CSMD1: variants seen among roughly 807,000 people sequenced by gnomAD.
CSMD1 encodes CUB and sushi domain-containing protein 1.
In CSMD1, 213 loss-of-function variants were observed where a neutral mutation model predicts 417.5. The observed-to-expected ratio is 0.51, with a 90% CI of 0.46 to 0.57. CSMD1 has a LOEUF of 0.57. Ranked by LOEUF, CSMD1 falls within the 20% of genes least tolerant of loss-of-function variation. CSMD1 has a pLI of 0.00. For synonymous variants in CSMD1, 2,862 were observed against 1,736.8 expected, an observed-to-expected ratio of 1.65 and a Z score of -16.11; for missense variants, 6,923 against 4,529.7, an observed-to-expected ratio of 1.53 and a Z score of -15.17.
At chr8:4,576,694 C>G (rs200684932) in intron 2 of CSMD1, among the ~76,000 whole-genome samples, 1 of 152,130 alleles carries the variant, frequency 6.6e-6, no homozygotes, top group African/African-American at 2.4e-5. Context: ...TCATAAGTAG[C>G]TAGAAGTCTG....
intron 5 of CSMD1, among the ~76,000 whole-genome samples, chr8:3,948,437 G>C (rs547389810): frequency 4.3e-4 from 65 of 152,214 alleles, no homozygotes; most frequent in African/African-American, 6.5e-4. Flanking sequence ...GTTAGGTTTT[G>C]TGACACACTT....
intron 3 of CSMD1, among the ~76,000 whole-genome samples, chr8:4,147,550 T>C (rs1647366): frequency 0.09 from 13,655 of 152,232 alleles, 857 homozygotes; most frequent in Non-Finnish European, 0.13. Flanking sequence ...TAATTAGTCA[T>C]GTATAAACCT....
chr8:4,951,825 C>G (rs1808768368), intron 1 of CSMD1, among the ~76,000 whole-genome samples: 1 of 143,626 alleles, frequency 7.0e-6, no homozygotes, highest in Admixed American at 7.3e-5. Context: ...GCACAAGCTG[C>G]TTATAAAGAT....
At chr8:3,597,267 G>C (rs900215) in intron 8 of CSMD1, among the ~76,000 whole-genome samples, 2 of 151,996 alleles carry the variant, frequency 1.3e-5, no homozygotes, top group Non-Finnish European at 2.9e-5. Flanking sequence ...GCACCGGTGA[G>C]ACAGAGCATC....
At chr8:3,849,262 C>T (rs1803715627) in intron 5 of CSMD1, among the ~76,000 whole-genome samples, 1 of 152,018 alleles carries the variant, frequency 6.6e-6, no homozygotes, top group African/African-American at 2.4e-5. Context: ...CACAGGAACA[C>T]GGGTGCATGT....
rs556304192 is a variant in CSMD1 at position 3,155,359 on chromosome 8, A to ATTTTTTTTTTTTTTTTTTTTTTT, written c.5914+2515_5914+2537dup. 5.9e-3 allele frequency among the ~76,000 whole-genome samples: 256 copies of ATTTTTTTTTTTTTTTTTTTTTTT among 43,328 alleles called. 96 individuals are homozygous for ATTTTTTTTTTTTTTTTTTTTTTT. Among genetic ancestry groups the ATTTTTTTTTTTTTTTTTTTTTTT allele is most frequent in the Non-Finnish European group, 8.8e-3 (189 of 21,384 alleles). 28.4% of individuals were successfully genotyped at this position (43,328 alleles called of 152,430 possible). ...TTTTTCCTTCCAAATCAAGGCTGGG[A>ATTTTTTTTTTTTTTTTTTTTTTT]TTTTTTTTTTTTTTTTTTTTTTTTT... is the stretch of plus-strand genomic sequence containing the variant. On this transcript the variant is annotated intron_variant, in intron 39 of 69. Transcript: ENST00000635120.
chr8:2,984,174 G>C (rs555102370), intron 54 of CSMD1, among the ~76,000 whole-genome samples: 1 of 151,958 alleles, frequency 6.6e-6, no homozygotes, highest in Non-Finnish European at 1.5e-5. Context: ...CGTTTATGTC[G>C]CTGCCTCAAA....
At chr8:3,491,676 T>G (rs977226126) in intron 11 of CSMD1, among the ~76,000 whole-genome samples, 1 of 152,192 alleles carries the variant, frequency 6.6e-6, no homozygotes, top group African/African-American at 2.4e-5. Flanking sequence ...TACAGAACAG[T>G]TGGCTAGTGC....
At chr8:3,283,005 G>T (rs150582642) in intron 26 of CSMD1, among the ~76,000 whole-genome samples, 1 of 152,228 alleles carries the variant, frequency 6.6e-6, no homozygotes, top group East Asian at 1.9e-4. Context: ...AGGCTGAACT[G>T]CCACAAAATA....
intron 3 of CSMD1, among the ~76,000 whole-genome samples, chr8:4,163,088 A>G (rs1305934191): frequency 6.6e-6 from 1 of 152,174 alleles, no homozygotes; most frequent in African/African-American, 2.4e-5. Context: ...TTAGCAATGA[A>G]TAATATTCCA....
At chr8:4,815,904 G>A (rs980170240) in intron 1 of CSMD1, among the ~76,000 whole-genome samples, 1 of 151,986 alleles carries the variant, frequency 6.6e-6, no homozygotes, top group Non-Finnish European at 1.5e-5. Flanking sequence ...ATCTCATCTA[G>A]GCTTTCTAGG....
At chr8:4,362,397 A>C (rs908996379) in intron 3 of CSMD1, among the ~76,000 whole-genome samples, 2 of 129,470 alleles carry the variant, frequency 1.5e-5, no homozygotes, top group African/African-American at 6.9e-5. Flanking sequence ...CTGGGGACAG[A>C]GTCTCAGGTC....
chr8:3,788,102 T>A (rs1170034228), intron 5 of CSMD1, among the ~76,000 whole-genome samples: 1 of 152,194 alleles, frequency 6.6e-6, no homozygotes, highest in Non-Finnish European at 1.5e-5. Context: ...CTTGCAACGC[T>A]TAGTTCTAAA....
Position 3,817,292 on chromosome 8 carries a change from T to TTTTTTTTTTTTA in CSMD1, c.819-63251_819-63250insTAAAAAAAAAAA, listed in dbSNP as rs1563109891. On this transcript the variant is annotated intron_variant, in intron 5 of 69. Coordinates refer to ENST00000635120, the MANE Select transcript of CSMD1 (RefSeq NM_033225.6). ...TTTTTTTTTTTTTTTTTTTTTTTTT[T>TTTTTTTTTTTTA]TTTTTTGAGATGGAGTCTCGCTGTG... Among the ~76,000 whole-genome samples, 3 of 93,548 alleles carry TTTTTTTTTTTTA rather than the reference T, an allele frequency of 3.2e-5. 1 individual carries two copies. Among genetic ancestry groups the TTTTTTTTTTTTA allele is most frequent in the African/African-American group, 1.6e-4 (3 of 18,656 alleles). The allele number at this position is 93,548 out of a possible 152,430, so 61.4% of individuals were successfully genotyped here.
intron 12 of CSMD1, among the ~76,000 whole-genome samples, chr8:3,450,575 T>C (rs1815638895): frequency 6.6e-6 from 1 of 151,860 alleles, no homozygotes; most frequent in Non-Finnish European, 1.5e-5. Context: ...GTTTTTTTTT[T>C]GTCTTTGTGA....
chr8:3,936,668 C>T (rs1272362339), intron 5 of CSMD1, among the ~76,000 whole-genome samples: 3 of 152,166 alleles, frequency 2.0e-5, no homozygotes, highest in Admixed American at 6.5e-5. Flanking sequence ...TGCTCTTTAA[C>T]AATGTACCTG....
intron 2 of CSMD1, among the ~76,000 whole-genome samples, chr8:4,593,497 G>C (rs1401461443): frequency 6.6e-6 from 1 of 152,086 alleles, no homozygotes; most frequent in Non-Finnish European, 1.5e-5. Context: ...CGCTTTTAGA[G>C]TCTTGGATTA....
At chr8:3,775,840 G>T (rs1301753355) in intron 5 of CSMD1, among the ~76,000 whole-genome samples, 1 of 152,190 alleles carries the variant, frequency 6.6e-6, no homozygotes, top group Non-Finnish European at 1.5e-5. Flanking sequence ...CAACGCGCAG[G>T]GTTGTTACTG....
chr8:3,542,618 C>G (rs894072875), intron 10 of CSMD1, among the ~76,000 whole-genome samples: 5 of 152,140 alleles, frequency 3.3e-5, no homozygotes, highest in African/African-American at 1.2e-4. Flanking sequence ...GAATTCTATG[C>G]TGTATGGAGA....
Sources: gnomAD v4.1 joint callset for allele counts (sites outside exome capture counted in the v4.1 genomes callset) on GRCh38, gnomAD v4.1.1 for gene constraint, MANE v1.5 for transcripts, NCBI Gene and HGNC (gene_info 2026-07-23, HGNC 2026-07-21) for gene names.